Variants in ZNF282 observed in about 807,000 individuals in gnomAD.
The protein encoded by ZNF282 is HTLV-I U5 repressive element-binding protein 1.
Under a neutral mutation model 61.9 loss-of-function variants are expected in ZNF282, and 30 were observed. The ratio of observed to expected loss-of-function variants is 0.48; its 90% CI spans 0.36 to 0.66. The LOEUF (loss-of-function observed/expected upper bound fraction) is 0.66. Ranked by LOEUF, ZNF282 falls within the 30% of genes least tolerant of loss-of-function variation. The pLI is 0.00. For missense variants in ZNF282, 788 were observed against 941.4 expected (o/e 0.84, Z 2.13); for synonymous variants, 396 against 405.0 (o/e 0.98, Z 0.27).
intron 4 of ZNF282, among the ~76,000 whole-genome samples, chr7:149,207,994 C>T (rs1227257529): frequency 6.6e-6 from 1 of 152,192 alleles, no homozygotes; most frequent in Non-Finnish European, 1.5e-5. Flanking sequence ...GAGCACATCA[C>T]ACTTGATGAG....
chr7:149,223,671 G>A (rs1162197963), intron 7 of ZNF282, 141 bp from the exon 8 acceptor site: 12 of 923,348 alleles, frequency 1.3e-5, no homozygotes, highest in African/African-American at 1.7e-5. Context: ...CACGTAGATC[G>A]TGGCCCAGCA....
Position 149,207,477 on chromosome 7 carries a change from G to A in ZNF282, c.832+7G>A. ...CCAATGGATCCCGAAGCAGGTGATGGCAGCAGAAGAGAGTGCGGGGTCCAG... is the reference window on the plus strand; with the variant it reads ...CCAATGGATCCCGAAGCAGGTGATGACAGCAGAAGAGAGTGCGGGGTCCAG... On this transcript the variant is annotated splice_region_variant and intron_variant, in intron 4 of 7. Coordinates refer to ENST00000610704, the MANE Select transcript of ZNF282 (RefSeq NM_003575.4). 1 of 1,559,018 alleles carries A rather than the reference G, an allele frequency of 6.4e-7. No individual in the cohort carries two copies. Among genetic ancestry groups the A allele is most frequent in the Non-Finnish European group, 8.7e-7 (1 of 1,150,694 alleles).
intron 7 of ZNF282, among the ~76,000 whole-genome samples, chr7:149,221,888 C>T (rs922129775): frequency 6.6e-6 from 1 of 152,092 alleles, no homozygotes; most frequent in East Asian, 1.9e-4. Context: ...GCAGTTGGGT[C>T]CTAGGCAGAG....
chr7:149,213,615 A>C (rs1796118559), intron 6 of ZNF282, 86 bp from the exon 7 acceptor site: 1 of 938,356 alleles, frequency 1.1e-6, no homozygotes, highest in Non-Finnish European at 1.7e-6. Flanking sequence ...GGTTGCAGCC[A>C]CCGCATGGGA....
chr7:149,222,536 C>T (rs1031990794), intron 7 of ZNF282, among the ~76,000 whole-genome samples: 8 of 152,144 alleles, frequency 5.3e-5, no homozygotes, highest in African/African-American at 1.9e-4. Flanking sequence ...TCTGTAATCC[C>T]AGCACTTTGG....
intron 7 of ZNF282, among the ~76,000 whole-genome samples, chr7:149,222,926 G>A (rs1283846706): frequency 1.3e-5 from 2 of 152,066 alleles, no homozygotes; most frequent in East Asian, 1.9e-4. Context: ...GATTACAGGC[G>A]TGAGCCACTG....
In ZNF282 at chr7:149,198,216, G is replaced by C. The variant is rs891650151; in HGVS notation, c.166-117G>C. ...TGTTAGTGTATCCTGAGTTACGGGG[G>C]CCTGGCAGAAGAAAGACGACATGTA... is the stretch of plus-strand genomic sequence containing the variant. On this transcript the variant is annotated intron_variant, in intron 1 of 7. Coordinates refer to ENST00000610704, the MANE Select transcript of ZNF282 (RefSeq NM_003575.4). This position sits in a 1 kb window ranked among gnomAD's most constrained non-coding sequence, Gnocchi z 4.3. 5 of 1,250,480 alleles carry C rather than the reference G, an allele frequency of 4.0e-6. No individual in the cohort carries two copies. In the Admixed American group the frequency reaches 1.3e-4, roughly 32 times the overall value. The allele number at this position is 1,250,480 out of a possible 1,614,324, so 77.5% of individuals were successfully genotyped here. A position where few individuals can be genotyped will look rare whatever the true frequency, so the allele number is the denominator to read the frequency against.
intron 7 of ZNF282, among the ~76,000 whole-genome samples, chr7:149,222,687 C>T (rs1050452176): frequency 3.9e-5 from 6 of 152,030 alleles, no homozygotes; most frequent in Admixed American, 6.5e-5. Context: ...CTCGCTCTGT[C>T]GCCAGGCTGG....
intron 7 of ZNF282, among the ~76,000 whole-genome samples, chr7:149,219,978 C>T (rs903491082): frequency 2.0e-5 from 3 of 152,126 alleles, no homozygotes; most frequent in Non-Finnish European, 4.4e-5. Flanking sequence ...TGAAAAGGAA[C>T]AGAAATGACA....
rs574494573 is a variant in ZNF282 at position 149,223,750 on chromosome 7, G to C, written c.1181-62G>C. On this transcript the variant is annotated intron_variant, in intron 7 of 7. Transcript: ENST00000610704. ...GCATGCTCCCTGGGCCCCCCTTCGG[G>C]AGCAGTGTGGGGTCCTGGCCGAGAA... The C allele has an allele frequency of 2.5e-5, 35 of 1,398,258 alleles. No individual in the cohort carries two copies. In the South Asian group the frequency reaches 5.4e-4, roughly 22 times the overall value. The allele number at this position is 1,398,258 out of a possible 1,614,324, so 86.6% of individuals were successfully genotyped here. A position where few individuals can be genotyped will look rare whatever the true frequency, so the allele number is the denominator to read the frequency against.
chr7:149,220,557 G>T (rs66754060), intron 7 of ZNF282, among the ~76,000 whole-genome samples: 16,692 of 152,198 alleles, frequency 0.11, 942 homozygotes, highest in Middle Eastern at 0.18. Context: ...GACCATCCTC[G>T]GTGTGGCTTC....
intron 7 of ZNF282, among the ~76,000 whole-genome samples, chr7:149,218,317 G>C (rs538213261): frequency 6.6e-6 from 1 of 152,248 alleles, no homozygotes; most frequent in South Asian, 2.1e-4. Flanking sequence ...GACAGATTCA[G>C]ATGCACTTTG....
At chr7:149,220,651 T>C (rs534976436) in intron 7 of ZNF282, among the ~76,000 whole-genome samples, 44 of 152,230 alleles carry the variant, frequency 2.9e-4, no homozygotes, top group African/African-American at 1.0e-3. Context: ...CATCTTTTCC[T>C]GCACACTCTA....
At chr7:149,223,501 G>A (rs1370601308) in intron 7 of ZNF282, among the ~76,000 whole-genome samples, 1 of 152,172 alleles carries the variant, frequency 6.6e-6, no homozygotes, top group African/African-American at 2.4e-5. Context: ...AAGTCTTGTT[G>A]TTTCTGGGAA....
rs920794842 is a variant in ZNF282, at chr7:149,213,873, C to T, written c.1180+59C>T. ...CTTCTCTGGAGCTGTACAGCTGAGG[C>T]GTGGACGAAGGCTGGTCCTCTTCTC... On this transcript the variant is annotated intron_variant, in intron 7 of 7. Transcript: ENST00000610704. The T allele has an allele frequency of 3.8e-5, 49 of 1,282,706 alleles. No homozygotes were observed. The highest frequency in any genetic ancestry group is 4.9e-5 in the South Asian group (4 of 80,954). 79.5% of individuals were successfully genotyped at this position (1,282,706 alleles called of 1,614,324 possible). A position where few individuals can be genotyped will look rare whatever the true frequency, so the allele number is the denominator to read the frequency against.
intron 4 of ZNF282, among the ~76,000 whole-genome samples, chr7:149,208,729 C>T (rs952262718): frequency 1.3e-5 from 2 of 151,824 alleles, no homozygotes; most frequent in Non-Finnish European, 2.9e-5. Context: ...ATAAGAAACC[C>T]CACACCCGGC....
chr7:149,205,258 C>T (rs1055704276), intron 2 of ZNF282, among the ~76,000 whole-genome samples: 8 of 151,636 alleles, frequency 5.3e-5, no homozygotes, highest in African/African-American at 1.9e-4. Context: ...GCCAATATGG[C>T]GAAACCCCGT....
chr7:149,195,582 C>G lies in ZNF282; in HGVS notation c.-8C>G, dbSNP rs773273648. On this transcript the variant is annotated 5_prime_UTR_variant, in exon 1 of 8. Coordinates refer to ENST00000610704, the MANE Select transcript of ZNF282 (RefSeq NM_003575.4). ...TGGCCGACCCGAGCGGGGAACAGCA[C>G]TCCCAGGATGCAGTTTGTGTCAACA... is the stretch of plus-strand genomic sequence containing the variant. The G allele has an allele frequency of 2.5e-6, 4 of 1,609,512 alleles. No homozygotes were observed. The highest frequency in any genetic ancestry group is 3.4e-6 in the Non-Finnish European group (4 of 1,178,264).
rs114394421 is a variant in ZNF282 at position 149,219,310 on chromosome 7, T to G, written c.1181-4502T>G. Among the ~76,000 whole-genome samples the G allele has an allele frequency of 6.0e-3, 913 of 152,324 alleles. 6 individuals are homozygous for G. The highest frequency in any genetic ancestry group is 0.021 in the African/African-American group (869 of 41,572). ...GAACCAGGGACAAAGGCCAGTCAAG[T>G]TATTACACTTAGGTTGTTCAGGACT... On this transcript the variant is annotated intron_variant, in intron 7 of 7. Coordinates refer to ENST00000610704, the MANE Select transcript of ZNF282 (RefSeq NM_003575.4).
Sources: allele counts gnomAD v4.1 joint callset (sites outside exome capture counted in the v4.1 genomes callset), GRCh38; gene constraint gnomAD v4.1.1; non-coding constraint Gnocchi (gnomAD v3.1); transcripts MANE v1.5; gene names NCBI Gene and HGNC (gene_info 2026-07-23, HGNC 2026-07-21).